The following TSHZ2 variants were observed in gnomAD, a reference collection of about 807,000 sequenced individuals.
TSHZ2 encodes the protein teashirt homolog 2.
Under a neutral mutation model 74.4 loss-of-function variants are expected in TSHZ2, and 21 were observed. The observed-to-expected ratio is 0.28, with a 90% CI of 0.20 to 0.41. The LOEUF (loss-of-function observed/expected upper bound fraction) is 0.41, where lower values mean the gene tolerates loss of function less well. TSHZ2 is among the 10% of genes least tolerant of loss of function. The probability of loss-of-function intolerance (pLI) is 1.00; values close to 1 mark genes in which losing one functional copy is unlikely to be tolerated. For synonymous variants in TSHZ2, 540 were observed against 515.3 expected (o/e 1.05, Z -0.65); for missense variants, 1,244 against 1,293.5 (o/e 0.96, Z 0.59).
intron 1 of TSHZ2, among the ~76,000 whole-genome samples, chr20:53,024,836 G>A (rs1983378768): frequency 3.3e-5 from 5 of 152,164 alleles, no homozygotes; most frequent in African/African-American, 9.6e-5. Context: ...TCATCCTTTT[G>A]TATGGTTGCA....
chr20:53,359,855 G>A (rs1377739264), intron 2 of TSHZ2, among the ~76,000 whole-genome samples: 2 of 152,204 alleles, frequency 1.3e-5, no homozygotes, highest in Admixed American at 1.3e-4. Context: ...CACCGATGGT[G>A]AGCAACAAAA....
At chr20:53,381,538 G>A (rs900153517) in intron 2 of TSHZ2, among the ~76,000 whole-genome samples, 1 of 152,184 alleles carries the variant, frequency 6.6e-6, no homozygotes, top group Non-Finnish European at 1.5e-5. Flanking sequence ...GCTCCAGTGT[G>A]TGAAAAATAT....
intron 1 of TSHZ2, among the ~76,000 whole-genome samples, chr20:53,067,502 C>T (rs1985029149): frequency 6.6e-6 from 1 of 152,178 alleles, no homozygotes; most frequent in South Asian, 2.1e-4. Context: ...CTTTCTAGCC[C>T]TCCTGGGCAG....
At chr20:53,444,565 G>A (rs940681556) in intron 2 of TSHZ2, among the ~76,000 whole-genome samples, 1 of 152,232 alleles carries the variant, frequency 6.6e-6, no homozygotes, top group Non-Finnish European at 1.5e-5. Context: ...TTAATCACGA[G>A]AGCCCTGTCA....
At chr20:53,454,842 C>G (rs994705100) in intron 2 of TSHZ2, among the ~76,000 whole-genome samples, 1 of 152,110 alleles carries the variant, frequency 6.6e-6, no homozygotes, top group Non-Finnish European at 1.5e-5. Flanking sequence ...TACCCTCAGG[C>G]CTTGCAGACA....
intron 1 of TSHZ2, among the ~76,000 whole-genome samples, chr20:53,187,326 G>T (rs1486783228): frequency 6.6e-6 from 1 of 152,130 alleles, no homozygotes; most frequent in Admixed American, 6.5e-5. Flanking sequence ...TATAGGTTAG[G>T]CCCCACCTGT....
chr20:53,245,623 G>A (rs1432488266), intron 1 of TSHZ2, among the ~76,000 whole-genome samples: 1 of 152,226 alleles, frequency 6.6e-6, no homozygotes, highest in Non-Finnish European at 1.5e-5. Flanking sequence ...ATCCTCTAGA[G>A]ACCTTGTTAA....
chr20:53,428,258 G>A (rs1268045783), intron 2 of TSHZ2, among the ~76,000 whole-genome samples: 3 of 152,196 alleles, frequency 2.0e-5, no homozygotes, highest in Non-Finnish European at 2.9e-5. Context: ...CAGTCTTCTC[G>A]TTGGTGAATG....
intron 1 of TSHZ2, among the ~76,000 whole-genome samples, chr20:53,218,588 C>A (rs970251056): frequency 6.6e-6 from 1 of 152,154 alleles, no homozygotes; most frequent in Admixed American, 6.5e-5. Flanking sequence ...TTGTTGCCAC[C>A]TCTTTCCAGC....
intron 1 of TSHZ2, among the ~76,000 whole-genome samples, chr20:53,120,521 A>G (rs1457722948): frequency 6.6e-6 from 1 of 152,244 alleles, no homozygotes; most frequent in Non-Finnish European, 1.5e-5. Context: ...TGACGAGAAC[A>G]TATAATTTTA....
intron 1 of TSHZ2, among the ~76,000 whole-genome samples, chr20:53,088,447 T>C (rs1262308983): frequency 2.0e-5 from 3 of 152,190 alleles, no homozygotes; most frequent in African/African-American, 7.2e-5. Context: ...TAGCAACAAA[T>C]TGGCATTAAC....
At chr20:53,139,972 C>T (rs566061783) in intron 1 of TSHZ2, among the ~76,000 whole-genome samples, 2 of 143,320 alleles carry the variant, frequency 1.4e-5, no homozygotes, top group Admixed American at 7.1e-5. Flanking sequence ...TTTATCTGGC[C>T]GTTTTTTTGC....
intron 1 of TSHZ2, among the ~76,000 whole-genome samples, chr20:53,136,934 C>G (rs1987259393): frequency 6.6e-6 from 1 of 151,918 alleles, no homozygotes; most frequent in Non-Finnish European, 1.5e-5. Flanking sequence ...ATATTCCGAT[C>G]TTACATACAG....
rs1315216454 is a variant in TSHZ2 at position 53,457,741 on chromosome 20, C to A, written c.*9-29403C>A. Reference sequence around the variant, plus strand: ...ATTTTGAAATATGTCCCATCAATACCTAATTTATTGAGAGTTTTTAGCATG... The same window carrying A: ...ATTTTGAAATATGTCCCATCAATACATAATTTATTGAGAGTTTTTAGCATG... On this transcript the variant is annotated intron_variant, in intron 2 of 2. Transcript: ENST00000371497. Among the ~76,000 whole-genome samples the A allele has an allele frequency of 2.0e-5, 3 of 151,294 alleles. No individual in the cohort carries two copies. The South Asian group carries it at 6.4e-4, about 32-fold the overall frequency.
At chr20:53,115,811 G>T (rs1390213033) in intron 1 of TSHZ2, among the ~76,000 whole-genome samples, 1 of 152,136 alleles carries the variant, frequency 6.6e-6, no homozygotes, top group East Asian at 1.9e-4. Context: ...CACTGGTGGG[G>T]AGATGAACTT....
At chr20:53,391,055 G>A (rs1982231091) in intron 2 of TSHZ2, among the ~76,000 whole-genome samples, 1 of 152,200 alleles carries the variant, frequency 6.6e-6, no homozygotes, top group Admixed American at 6.5e-5. Flanking sequence ...ACAGGCAGCT[G>A]GGCCAGATTT....
intron 1 of TSHZ2, among the ~76,000 whole-genome samples, chr20:53,207,615 C>T (rs983725536): frequency 6.6e-6 from 1 of 152,120 alleles, no homozygotes; most frequent in African/African-American, 2.4e-5. Flanking sequence ...ACTTTTATAA[C>T]TTAGACTCTG....
At chr20:53,474,905 CAAAG>C (rs1985944981) in intron 2 of TSHZ2, among the ~76,000 whole-genome samples, 1 of 143,006 alleles carries the variant, frequency 7.0e-6, no homozygotes, top group African/African-American at 2.7e-5. Context: ...TCAAAAGAGA[CAAAG>C]AAGGCCATTA....
At chr20:53,210,991 AAG>A (rs1257326264) in intron 1 of TSHZ2, among the ~76,000 whole-genome samples, 1 of 152,204 alleles carries the variant, frequency 6.6e-6, no homozygotes, top group Non-Finnish European at 1.5e-5. Flanking sequence ...GGAAGAAAAA[AAG>A]AGAAAAAACA....
Sources: allele counts gnomAD v4.1 joint callset (sites outside exome capture counted in the v4.1 genomes callset), GRCh38; gene constraint gnomAD v4.1.1; transcripts MANE v1.5; gene names NCBI Gene and HGNC (gene_info 2026-07-23, HGNC 2026-07-21).